Variants in RHOBTB1 observed in about 807,000 individuals in gnomAD.
RHOBTB1 encodes the protein Rho related BTB domain containing 1.
Under a neutral mutation model 71.6 loss-of-function variants are expected in RHOBTB1, and 40 were observed. The observed-to-expected ratio is 0.56, with a 90% CI of 0.43 to 0.73. The LOEUF is 0.73. RHOBTB1 is among the 30% of genes least tolerant of loss of function. RHOBTB1 has a pLI of 0.00. For missense variants in RHOBTB1, 797 were observed against 894.0 expected (o/e 0.89, Z 1.38); for synonymous variants, 319 against 334.9 (o/e 0.95, Z 0.52).
At chr10:61,000,988 T>C (rs954655140) in intron 1 of RHOBTB1, among the ~76,000 whole-genome samples, 1 of 152,170 alleles carries the variant, frequency 6.6e-6, no homozygotes, top group African/African-American at 2.4e-5. Context: ...TCTTATCTTT[T>C]CTGACTGACA....
In RHOBTB1 at chr10:60,962,301, C is replaced by T. The variant is rs61853066; in HGVS notation, c.-61-20447G>A. On this transcript the variant is annotated intron_variant, in intron 2 of 11. Coordinates refer to the RHOBTB1 transcript ENST00000357917. ...TCTGTGACCACCAATATAACTCTTCCCAACAGAAAAAGAGATACTTACCTA... is the reference window on the plus strand; with the variant it reads ...TCTGTGACCACCAATATAACTCTTCTCAACAGAAAAAGAGATACTTACCTA... Among the ~76,000 whole-genome samples the T allele has an allele frequency of 3.9e-3, 591 of 152,098 alleles. 1 individual carries two copies. The highest frequency in any genetic ancestry group is 6.5e-3 in the Non-Finnish European group (443 of 67,988).
intron 4 of RHOBTB1, among the ~76,000 whole-genome samples, chr10:60,898,160 T>C (rs1180925998): frequency 3.9e-5 from 6 of 152,258 alleles, no homozygotes; most frequent in South Asian, 2.1e-4. Flanking sequence ...ATATCCAGTA[T>C]ATGGACAGAC....
At chr10:60,954,406 A>C (rs2085517489) in intron 2 of RHOBTB1, among the ~76,000 whole-genome samples, 1 of 152,236 alleles carries the variant, frequency 6.6e-6, no homozygotes, top group Admixed American at 6.5e-5. Context: ...ACTTAAAAAC[A>C]TATTCAATGA....
rs2080710212 is a variant in RHOBTB1, at chr10:60,870,124, T to C, written c.*1358A>G. The C allele has an allele frequency of 6.6e-6, 1 of 152,560 alleles. No homozygotes were observed. Among genetic ancestry groups the C allele is most frequent in the Admixed American group, 6.5e-5 (1 of 15,280 alleles). The allele number at this position is 152,560 out of a possible 1,614,324, so 9.5% of individuals were successfully genotyped here. On this transcript the variant is annotated 3_prime_UTR_variant, in exon 11 of 11. Transcript: ENST00000337910. ...CCATGGCAGGTGTGGAGCTGTGGCC[T>C]TGAAATGCTCTCTGTGTGTGTATGT... is the stretch of plus-strand genomic sequence containing the variant.
At chr10:60,973,582 C>G (rs937125340) in intron 2 of RHOBTB1, among the ~76,000 whole-genome samples, 1 of 151,858 alleles carries the variant, frequency 6.6e-6, no homozygotes, top group Non-Finnish European at 1.5e-5. Flanking sequence ...TCAAAAGAAA[C>G]AACACCAACA....
intron 2 of RHOBTB1, among the ~76,000 whole-genome samples, chr10:60,924,766 A>T (rs1329507131): frequency 6.6e-6 from 1 of 152,212 alleles, no homozygotes; most frequent in Non-Finnish European, 1.5e-5. Flanking sequence ...AGTCTCAAAA[A>T]TTTTTAAAAA....
chr10:60,878,192 A>T, intron 7 of RHOBTB1, 134 bp from the exon 8 acceptor site: 1 of 647,476 alleles, frequency 1.5e-6, no homozygotes. Context: ...GAGGCTGTGC[A>T]TAGGAATCCT....
chr10:60,985,926 C>A (rs1298728373), exon 2 of RHOBTB1: 1 of 152,152 alleles, frequency 6.6e-6, no homozygotes, highest in African/African-American at 2.4e-5. Context: ...CTTTCATGTG[C>A]TTCTTGATTA....
intron 2 of RHOBTB1, among the ~76,000 whole-genome samples, chr10:60,923,491 A>G (rs187133903): frequency 2.0e-4 from 31 of 152,356 alleles, no homozygotes; most frequent in South Asian, 4.1e-4. Context: ...TTAGTGAGGT[A>G]CAGGTCAAGC....
intron 2 of RHOBTB1, among the ~76,000 whole-genome samples, chr10:60,969,190 T>C (rs2086070799): frequency 6.6e-6 from 1 of 152,074 alleles, no homozygotes; most frequent in African/African-American, 2.4e-5. Context: ...TGAGGTCTCC[T>C]ATGGAGGTCC....
At chr10:60,960,156 T>C (rs891468123) in intron 2 of RHOBTB1, among the ~76,000 whole-genome samples, 40 of 152,202 alleles carry the variant, frequency 2.6e-4, no homozygotes, top group African/African-American at 9.4e-4. Flanking sequence ...GACATTCTTG[T>C]ATGATTTAAT....
At chr10:60,945,151 G>A (rs546369675), upstream of RHOBTB1, among the ~76,000 whole-genome samples, 130 of 152,314 alleles carry the variant, frequency 8.5e-4, no homozygotes, top group African/African-American at 2.9e-3. Context: ...AAACAACCGG[G>A]TGCCTGCCAT....
intron 4 of RHOBTB1, among the ~76,000 whole-genome samples, chr10:60,904,946 T>TG (rs1163393320): frequency 4.6e-5 from 7 of 152,216 alleles, no homozygotes; most frequent in Non-Finnish European, 1.0e-4. Context: ...CAAGACCTCT[T>TG]GGTACCATAT....
intron 1 of RHOBTB1, among the ~76,000 whole-genome samples, chr10:60,988,740 A>C (rs2086757705): frequency 6.6e-6 from 1 of 152,114 alleles, no homozygotes; most frequent in African/African-American, 2.4e-5. Context: ...TGTCTTTGCT[A>C]TTGTGAATAG....
chr10:60,993,670 A>T (rs1259672813), intron 1 of RHOBTB1, among the ~76,000 whole-genome samples: 1 of 151,974 alleles, frequency 6.6e-6, no homozygotes, highest in East Asian at 1.9e-4. Flanking sequence ...ACCTATTTGA[A>T]ATACATTTTA....
intron 2 of RHOBTB1, among the ~76,000 whole-genome samples, chr10:60,949,634 T>C (rs1179623452): frequency 1.3e-5 from 2 of 151,472 alleles, no homozygotes; most frequent in Non-Finnish European, 2.9e-5. Flanking sequence ...CAGTTATGAC[T>C]GTTGGTATTG....
At chr10:60,911,051 G>A (rs1188422834) in intron 3 of RHOBTB1, 61 bp from the exon 4 acceptor site, 11 of 1,369,378 alleles carry the variant, frequency 8.0e-6, no homozygotes, top group Admixed American at 1.7e-5. Context: ...CAGGAGAAGC[G>A]TGTTCAAGTC....
intron 5 of RHOBTB1, among the ~76,000 whole-genome samples, chr10:60,890,965 T>C (rs1415373952): frequency 6.6e-6 from 1 of 152,216 alleles, no homozygotes; most frequent in Non-Finnish European, 1.5e-5. Context: ...TCCCCTCCAC[T>C]GTTCTCTATA....
chr10:60,946,036 G>A (rs2085217291), upstream of RHOBTB1, among the ~76,000 whole-genome samples: 1 of 152,062 alleles, frequency 6.6e-6, no homozygotes, highest in South Asian at 2.1e-4. Flanking sequence ...AAATTGGCTG[G>A]GCGCGGTGGC....
Sources: allele counts gnomAD v4.1 joint callset (sites outside exome capture counted in the v4.1 genomes callset), GRCh38; gene constraint gnomAD v4.1.1; transcripts MANE v1.5; gene names NCBI Gene and HGNC (gene_info 2026-07-23, HGNC 2026-07-21).